Variants in IQCH observed in about 807,000 individuals in gnomAD.
IQCH encodes IQ domain-containing protein H.
IQCH carries 98 observed loss-of-function variants against 117.0 expected under a neutral mutation model. The observed-to-expected ratio is 0.84, with a 90% CI of 0.71 to 0.99. The LOEUF is 0.99. IQCH is among the 50% of genes least tolerant of loss of function. IQCH has a pLI of 0.00. For missense variants in IQCH, 1,102 were observed against 1,243.8 expected, an observed-to-expected ratio of 0.89 and a Z score of 1.72; for synonymous variants, 412 against 448.2, an observed-to-expected ratio of 0.92 and a Z score of 1.02.
chr15:67,361,110 T>G (rs1231128109), intron 8 of IQCH, among the ~76,000 whole-genome samples: 2 of 152,326 alleles, frequency 1.3e-5, no homozygotes, highest in South Asian at 2.1e-4. Context: ...CCAGGCCCAC[T>G]CAGTTGGTAA....
chr15:67,345,712 C>T (rs1009806250), intron 6 of IQCH, among the ~76,000 whole-genome samples: 7 of 152,060 alleles, frequency 4.6e-5, no homozygotes, highest in African/African-American at 1.7e-4. Context: ...ACCAGAGGAG[C>T]CTAAGGAGAC....
chr15:67,337,191 A>T, intron 5 of IQCH, 96 bp downstream of exon 5: 1 of 1,395,988 alleles, frequency 7.2e-7, no homozygotes, highest in South Asian at 1.3e-5. Flanking sequence ...TGGCTCAGCC[A>T]CTAATTCTCC....
intron 10 of IQCH, among the ~76,000 whole-genome samples, chr15:67,374,767 T>G (rs1329351700): frequency 6.6e-6 from 1 of 152,188 alleles, no homozygotes; most frequent in African/African-American, 2.4e-5. Flanking sequence ...CAAAATTAGT[T>G]CACACACAGA....
intron 4 of IQCH, among the ~76,000 whole-genome samples, chr15:67,285,662 C>G (rs536004147): frequency 6.6e-6 from 1 of 152,164 alleles, no homozygotes; most frequent in Non-Finnish European, 1.5e-5. Flanking sequence ...TTTCAGTCTT[C>G]TGCATATGGC....
intron 4 of IQCH, among the ~76,000 whole-genome samples, chr15:67,284,928 G>T (rs971295504): frequency 4.6e-5 from 7 of 152,134 alleles, no homozygotes; most frequent in African/African-American, 1.7e-4. Flanking sequence ...ATGTGTGCAT[G>T]TATCTTTGTA....
In IQCH at chr15:67,422,621, AT is replaced by A. The variant is rs2081777704; in HGVS notation, c.2505+1048del. Among the ~76,000 whole-genome samples the A allele has an allele frequency of 6.6e-6, 1 of 152,180 alleles. No individual in the cohort carries two copies. The highest frequency in any genetic ancestry group is 2.4e-5 in the African/African-American group (1 of 41,426). ...AGTTTTATTTTGCATGTTTTTAAGA[AT>A]TTTGTAGATCATAACATTCTATCTA... On this transcript the variant is annotated intron_variant, in intron 16 of 20. Coordinates refer to ENST00000335894, the MANE Select transcript of IQCH (RefSeq NM_001031715.3). This position sits in a 1 kb window ranked among gnomAD's most constrained non-coding sequence, Gnocchi z 4.7.
In IQCH at chr15:67,360,356, C is replaced by T. The variant is rs552876283; in HGVS notation, c.753+471C>T. On this transcript the variant is annotated intron_variant, in intron 8 of 20. Transcript: ENST00000335894. ...GATGGGATTTAGAGTTAAGCTAATC[C>T]TAACAACTAAGGTTATAAAAACATT... is the stretch of plus-strand genomic sequence containing the variant. Among the ~76,000 whole-genome samples the T allele has an allele frequency of 9.9e-5, 15 of 152,274 alleles. 1 individual carries two copies. The East Asian group carries it at 2.7e-3, about 27-fold the overall frequency.
In IQCH at chr15:67,400,184, C is replaced by CT; in HGVS notation, c.1977dup (p.Glu660Ter). 1.9e-6 allele frequency: 3 copies of CT among 1,613,824 alleles called. No homozygotes were observed. On this transcript the variant is annotated frameshift_variant, in exon 14 of 21. Coordinates refer to ENST00000335894, the MANE Select transcript of IQCH (RefSeq NM_001031715.3). LOFTEE classifies it high-confidence loss of function. ...CAGCGTTGGCTCTTTAAAATGGACTCTGAGTTCCGAGGAAATGGGACTGCA... is the reference window on the plus strand; with the variant it reads ...CAGCGTTGGCTCTTTAAAATGGACTCTTGAGTTCCGAGGAAATGGGACTGCA...
chr15:67,291,732 T>C (rs1181006555), intron 4 of IQCH, among the ~76,000 whole-genome samples: 4 of 152,102 alleles, frequency 2.6e-5, no homozygotes. Flanking sequence ...GGGTAAAAAT[T>C]TTACTGATGA....
At chr15:67,314,161 C>G (rs1373348006) in intron 4 of IQCH, among the ~76,000 whole-genome samples, 2 of 152,118 alleles carry the variant, frequency 1.3e-5, no homozygotes, top group African/African-American at 4.8e-5. Flanking sequence ...CATCCCTGAT[C>G]CCTACTTCTC....
intron 4 of IQCH, among the ~76,000 whole-genome samples, chr15:67,308,397 A>T (rs75874311): frequency 0.011 from 1,742 of 152,292 alleles, 18 homozygotes; most frequent in Non-Finnish European, 0.019. Context: ...GGAAATGTGG[A>T]GTCAGCATCT....
rs2083202162 is a variant in IQCH at position 67,476,392 on chromosome 15, A to G, written c.2799+574A>G. Among the ~76,000 whole-genome samples, 1 of 152,164 alleles carries G rather than the reference A, an allele frequency of 6.6e-6. No homozygotes were observed. The highest frequency in any genetic ancestry group is 1.9e-4 in the East Asian group (1 of 5,198). On this transcript the variant is annotated intron_variant, in intron 18 of 20. Coordinates refer to ENST00000335894, the MANE Select transcript of IQCH (RefSeq NM_001031715.3). The surrounding 1 kb of genome is among the most constrained non-coding windows in gnomAD (Gnocchi z 4.1). ...GAGAGAGATCTCTGTTGTCTCTTTT[A>G]CAAGGTACCAGTTCCGTCAATCAAA...
chr15:67,254,956 CG>C lies in IQCH; in HGVS notation c.51+12del, dbSNP rs1364836512. The C allele has an allele frequency of 1.2e-6, 2 of 1,612,310 alleles. No individual in the cohort carries two copies. Among genetic ancestry groups the C allele is most frequent in the South Asian group, 2.2e-5 (2 of 90,844 alleles). On this transcript the variant is annotated intron_variant, in intron 1 of 20. Transcript: ENST00000335894. ...GATCCATCTTAATCCAGGTGGGAAACGGGCTTCCCCCGGCCCTGCCCTGCCC... is the reference window on the plus strand; with the variant it reads ...GATCCATCTTAATCCAGGTGGGAAACGGCTTCCCCCGGCCCTGCCCTGCCC...
rs1184963589 is a variant in IQCH, at chr15:67,264,214, A to G, written c.269+998A>G. Among the ~76,000 whole-genome samples, 6 of 152,390 alleles carry G rather than the reference A, an allele frequency of 3.9e-5. No homozygotes were observed. In the East Asian group the frequency reaches 9.6e-4, roughly 24 times the overall value. On this transcript the variant is annotated intron_variant, in intron 3 of 20. Coordinates refer to ENST00000335894, the MANE Select transcript of IQCH (RefSeq NM_001031715.3). ...TTGTTACCTGGACCTCCTTGCAGAC[A>G]TAAACATCTGTCATCTTTGTATTCA...
rs779472795 is a variant in IQCH at position 67,459,365 on chromosome 15, G to A, written c.2506-5762G>A. Among the ~76,000 whole-genome samples, 18 of 152,188 alleles carry A rather than the reference G, an allele frequency of 1.2e-4. No individual in the cohort carries two copies. Among genetic ancestry groups the A allele is most frequent in the Non-Finnish European group, 2.4e-4 (16 of 68,032 alleles). ...GATGCCCATAGGAGAAGGGTGGCAA[G>A]AGGCAACACTAAACCCTTTGCTGAG... On this transcript the variant is annotated intron_variant, in intron 16 of 20. Coordinates refer to ENST00000335894, the MANE Select transcript of IQCH (RefSeq NM_001031715.3). This position sits in a 1 kb window ranked among gnomAD's most constrained non-coding sequence, Gnocchi z 4.2.
chr15:67,455,948 T>C (rs1270162174), intron 16 of IQCH, among the ~76,000 whole-genome samples: 1 of 152,054 alleles, frequency 6.6e-6, no homozygotes, highest in Non-Finnish European at 1.5e-5. Context: ...AATGTCAAAA[T>C]AAAAAAGTAG....
chr15:67,395,349 T>TA lies in IQCH; in HGVS notation c.1697dup (p.Asn566LysfsTer19), dbSNP rs1396987127. 4 of 1,613,836 alleles carry TA rather than the reference T, an allele frequency of 2.5e-6. No individual in the cohort carries two copies. Among genetic ancestry groups the TA allele is most frequent in the African/African-American group, 2.7e-5 (2 of 74,876 alleles). On this transcript the variant is annotated frameshift_variant, in exon 13 of 21. Coordinates refer to ENST00000335894, the MANE Select transcript of IQCH (RefSeq NM_001031715.3). LOFTEE classifies it high-confidence loss of function. The surrounding 1 kb of genome is among the most constrained non-coding windows in gnomAD (Gnocchi z 4.0). Reference sequence around the variant, plus strand: ...TACAGTCCCAAGGCAATCAAAAGAATAAAAAATCTCATCCGAGGAACAGAG... The same window carrying TA: ...TACAGTCCCAAGGCAATCAAAAGAATAAAAAAATCTCATCCGAGGAACAGAG...
intron 3 of IQCH, among the ~76,000 whole-genome samples, chr15:67,263,584 A>T (rs2140435869): frequency 6.6e-6 from 1 of 152,332 alleles, no homozygotes; most frequent in African/African-American, 2.4e-5. Context: ...CATAATAATT[A>T]TTTCAATGTC....
intron 1 of IQCH, among the ~76,000 whole-genome samples, chr15:67,260,622 G>A (rs1965416636): frequency 1.3e-5 from 2 of 151,990 alleles, no homozygotes; most frequent in African/African-American, 4.8e-5. Context: ...TGTAGAAATT[G>A]GAGTCTGGCA....
Sources: allele counts gnomAD v4.1 joint callset (sites outside exome capture counted in the v4.1 genomes callset), GRCh38; gene constraint gnomAD v4.1.1; non-coding constraint Gnocchi (gnomAD v3.1); transcripts MANE v1.5; gene names NCBI Gene and HGNC (gene_info 2026-07-23, HGNC 2026-07-21).